The following NXPH1 variants were observed in gnomAD, a reference collection of about 807,000 sequenced individuals.
NXPH1 encodes the protein neurexophilin-1.
A neutral mutation model predicts 23.7 loss-of-function variants in NXPH1; 5 were observed. The ratio of observed to expected loss-of-function variants is 0.21; its 90% CI spans 0.11 to 0.44. NXPH1 has a LOEUF of 0.44. Among genes scored for constraint, NXPH1 ranks in the 20% least tolerant of loss-of-function variants. The pLI is 0.99. For synonymous variants in NXPH1, 144 were observed against 122.2 expected (o/e 1.18, Z -1.18); for missense variants, 324 against 321.6 (o/e 1.01, Z -0.06).
chr7:8,477,314 C>A (rs1176001936), intron 2 of NXPH1, among the ~76,000 whole-genome samples: 1 of 152,000 alleles, frequency 6.6e-6, no homozygotes, highest in African/African-American at 2.4e-5. Context: ...CCCTACCAAT[C>A]CCCTGCTGTT....
intron 2 of NXPH1, among the ~76,000 whole-genome samples, chr7:8,540,419 C>G (rs1343440324): frequency 1.3e-5 from 2 of 151,612 alleles, no homozygotes; most frequent in Non-Finnish European, 3.0e-5. Context: ...ATAGTGAATC[C>G]CTGAGAGTAG....
chr7:8,710,640 G>T (rs1339392513), intron 2 of NXPH1, among the ~76,000 whole-genome samples: 5 of 27,676 alleles, frequency 1.8e-4, no homozygotes, highest in East Asian at 2.1e-3. Flanking sequence ...CAACTGTTAC[G>T]TTTTTTGTTT....
chr7:8,682,834 T>G (rs939725502), intron 2 of NXPH1, among the ~76,000 whole-genome samples: 9 of 152,346 alleles, frequency 5.9e-5, no homozygotes, highest in Non-Finnish European at 1.3e-4. Flanking sequence ...CTTTTAATAG[T>G]TCAAGTCATT....
At chr7:8,517,056 G>A (rs1243599750) in intron 2 of NXPH1, among the ~76,000 whole-genome samples, 1 of 152,126 alleles carries the variant, frequency 6.6e-6, no homozygotes, top group Non-Finnish European at 1.5e-5. Context: ...ATCCACAAAT[G>A]TACTGAGCAC....
chr7:8,590,019 G>A (rs1819060013), intron 2 of NXPH1, among the ~76,000 whole-genome samples: 3 of 152,140 alleles, frequency 2.0e-5, no homozygotes, highest in Non-Finnish European at 4.4e-5. Context: ...CCTCATGGCA[G>A]AAAGCTCTAT....
At chr7:8,652,431 C>T (rs1033104173) in intron 2 of NXPH1, among the ~76,000 whole-genome samples, 1 of 152,084 alleles carries the variant, frequency 6.6e-6, no homozygotes, top group Non-Finnish European at 1.5e-5. Context: ...TTATATCATA[C>T]TTATTTCCAT....
chr7:8,520,002 A>T (rs1463572233), intron 2 of NXPH1, among the ~76,000 whole-genome samples: 1 of 152,116 alleles, frequency 6.6e-6, no homozygotes, highest in Admixed American at 6.5e-5. Flanking sequence ...TATCTCCATC[A>T]TAATGTTTAT....
intron 2 of NXPH1, among the ~76,000 whole-genome samples, chr7:8,459,089 A>ATT (rs369440813): frequency 6.7e-6 from 1 of 148,930 alleles, no homozygotes; most frequent in African/African-American, 2.5e-5. Flanking sequence ...TTTTTCCTTG[A>ATT]TTTTTTTTTT....
At chr7:8,514,327 T>A (rs1376378293) in intron 2 of NXPH1, among the ~76,000 whole-genome samples, 1 of 152,132 alleles carries the variant, frequency 6.6e-6, no homozygotes, top group Non-Finnish European at 1.5e-5. Context: ...GCCTTATTAT[T>A]TGGGAAACGT....
intron 2 of NXPH1, among the ~76,000 whole-genome samples, chr7:8,451,931 C>T (rs1036417116): frequency 1.3e-5 from 2 of 152,134 alleles, no homozygotes; most frequent in African/African-American, 4.8e-5. Context: ...TAGGGTTCAC[C>T]ATGGTATGTC....
chr7:8,572,399 G>C (rs1818666093), intron 2 of NXPH1, among the ~76,000 whole-genome samples: 1 of 151,900 alleles, frequency 6.6e-6, no homozygotes, highest in Admixed American at 6.6e-5. Context: ...AAGCTTGCTG[G>C]AAAAATTATG....
chr7:8,657,899 G>A (rs112761890), intron 2 of NXPH1, among the ~76,000 whole-genome samples: 4 of 152,040 alleles, frequency 2.6e-5, no homozygotes, highest in Non-Finnish European at 5.9e-5. Context: ...GTGTTAGCAC[G>A]CACCTGTAAT....
chr7:8,563,955 G>A (rs1818495333), intron 2 of NXPH1, among the ~76,000 whole-genome samples: 1 of 151,788 alleles, frequency 6.6e-6, no homozygotes, highest in African/African-American at 2.4e-5. Context: ...GTTAGCCAAT[G>A]CCAGAACTCT....
intron 2 of NXPH1, among the ~76,000 whole-genome samples, chr7:8,559,696 A>G (rs1818410770): frequency 6.6e-6 from 1 of 151,676 alleles, no homozygotes; most frequent in Non-Finnish European, 1.5e-5. Flanking sequence ...GGCCAAGTGT[A>G]GACCTTATAG....
At chr7:8,615,633 G>C (rs150124695) in intron 2 of NXPH1, among the ~76,000 whole-genome samples, 480 of 152,086 alleles carry the variant, frequency 3.2e-3, no homozygotes, top group African/African-American at 0.011. Flanking sequence ...TTTCCTGCCT[G>C]TCTCCCTTCC....
intron 2 of NXPH1, among the ~76,000 whole-genome samples, chr7:8,721,395 A>C (rs1010629971): frequency 3.9e-5 from 6 of 152,238 alleles, no homozygotes; most frequent in African/African-American, 1.4e-4. Context: ...AAAAATAAAA[A>C]TCTAAATACG....
chr7:8,644,432 G>A (rs1170239145), intron 2 of NXPH1, among the ~76,000 whole-genome samples: 5 of 152,024 alleles, frequency 3.3e-5, no homozygotes, highest in Non-Finnish European at 4.4e-5. Flanking sequence ...GCCTACTTTC[G>A]GTTGAAGTTT....
intron 2 of NXPH1, among the ~76,000 whole-genome samples, chr7:8,688,555 G>C (rs1583231194): frequency 6.6e-6 from 1 of 152,180 alleles, no homozygotes. Context: ...AAGGATTACA[G>C]GTCATTGATC....
At chr7:8,582,883 C>T (rs1410177549) in intron 2 of NXPH1, among the ~76,000 whole-genome samples, 1 of 152,200 alleles carries the variant, frequency 6.6e-6, no homozygotes, top group Non-Finnish European at 1.5e-5. Flanking sequence ...CTGCTGCCAT[C>T]AATTATGTTG....
Sources: gnomAD v4.1 joint callset for allele counts (sites outside exome capture counted in the v4.1 genomes callset) on GRCh38, gnomAD v4.1.1 for gene constraint, MANE v1.5 for transcripts, NCBI Gene and HGNC (gene_info 2026-07-23, HGNC 2026-07-21) for gene names.